DPF3: variants seen among roughly 807,000 people sequenced by gnomAD.
The protein encoded by DPF3 is double PHD fingers 3, also known as zinc finger protein DPF3.
In DPF3, 18 loss-of-function variants were observed where a neutral mutation model predicts 56.8. The observed-to-expected ratio is 0.32, with a 90% CI of 0.22 to 0.47. The LOEUF is 0.47. DPF3 is among the 20% of genes least tolerant of loss of function. DPF3 has a pLI of 1.00. For synonymous variants in DPF3, 188 were observed against 180.2 expected, an observed-to-expected ratio of 1.04 and a Z score of -0.35; for missense variants, 403 against 488.8, an observed-to-expected ratio of 0.82 and a Z score of 1.65.
intron 1 of DPF3, among the ~76,000 whole-genome samples, chr14:72,863,100 A>ATATGTG (rs1413440131): frequency 7.2e-5 from 8 of 110,612 alleles, no homozygotes; most frequent in Admixed American, 3.9e-4. Flanking sequence ...ATATATATAT[A>ATATGTG]TGTGTGTGTA....
intron 7 of DPF3, among the ~76,000 whole-genome samples, chr14:72,682,814 G>C (rs1887217509): frequency 6.6e-6 from 1 of 152,228 alleles, no homozygotes; most frequent in Non-Finnish European, 1.5e-5. Context: ...TTGGTGCTGA[G>C]AGTCAGAGAC....
At chr14:72,794,701 T>C (rs1173084935) in intron 1 of DPF3, among the ~76,000 whole-genome samples, 1 of 152,222 alleles carries the variant, frequency 6.6e-6, no homozygotes. Context: ...GGTTTTCTAT[T>C]GCTGCTGAGA....
chr14:72,734,787 A>G (rs1889820630), intron 3 of DPF3, among the ~76,000 whole-genome samples: 1 of 152,160 alleles, frequency 6.6e-6, no homozygotes, highest in African/African-American at 2.4e-5. Flanking sequence ...CCAAGTTGCC[A>G]CTGAAATCAC....
At position 72,731,904 on chromosome 14, in the gene DPF3, A is replaced by C; in HGVS notation, c.332T>G (p.Phe111Cys). 6.3e-7 allele frequency: 1 copy of C among 1,599,728 alleles called. No individual in the cohort carries two copies. Among genetic ancestry groups the C allele is most frequent in the Non-Finnish European group, 8.5e-7 (1 of 1,173,132 alleles). ...TTCCAGCGTGGTGCTCTCTGAGGTG[A>C]ACCCATCCTTCTTCAGGGGAAGCTC... ...EVELPLKKDG[F>C]TSESTTLEAL... Residue 111 changes from phenylalanine to cysteine, a missense_variant, in exon 4 of 11, where the codon TTC becomes TGC. Physicochemically the swap from Phe to Cys is radical, Grantham distance 205. Around this residue, in one of 2 missense-constraint regions of DPF3, gnomAD observed 340 missense variants for 374.3 expected, o/e 0.91. Coordinates refer to ENST00000556509, the MANE Select transcript of DPF3 (RefSeq NM_001280542.3).
intron 1 of DPF3, chr14:72,892,296 C>T (rs1191517663): frequency 1.3e-6 from 2 of 1,535,482 alleles, no homozygotes; most frequent in African/African-American, 2.7e-5. Flanking sequence ...AAGCAACCGG[C>T]AGCGAGGATG....
At chr14:72,686,038 A>G (rs573177270) in intron 7 of DPF3, among the ~76,000 whole-genome samples, 1 of 152,340 alleles carries the variant, frequency 6.6e-6, no homozygotes, top group African/African-American at 2.4e-5. Flanking sequence ...CTGGAGGCCC[A>G]GTTACACTTC....
At chr14:72,738,262 T>C (rs1889980520) in intron 3 of DPF3, among the ~76,000 whole-genome samples, 1 of 151,988 alleles carries the variant, frequency 6.6e-6, no homozygotes, top group African/African-American at 2.4e-5. Flanking sequence ...TTGTGACTCA[T>C]AAAGCTCGAA....
chr14:72,653,991 A>T (rs1265892995), intron 8 of DPF3, among the ~76,000 whole-genome samples: 1 of 152,226 alleles, frequency 6.6e-6, no homozygotes, highest in Non-Finnish European at 1.5e-5. Flanking sequence ...CGACAGGATC[A>T]GAGGCAACCT....
chr14:72,730,748 T>C (rs574371440), intron 4 of DPF3, among the ~76,000 whole-genome samples: 1 of 152,080 alleles, frequency 6.6e-6, no homozygotes, highest in South Asian at 2.1e-4. Context: ...AAATACAATT[T>C]AATTTTAATA....
At chr14:72,661,013 G>A in intron 8 of DPF3, 3 of 973,730 alleles carry the variant, frequency 3.1e-6, no homozygotes, top group South Asian at 4.8e-5. Flanking sequence ...GGATGAGCTT[G>A]GTTGGTCAAG....
intron 4 of DPF3, among the ~76,000 whole-genome samples, chr14:72,728,764 C>T (rs762156273): frequency 2.0e-5 from 3 of 151,848 alleles, no homozygotes; most frequent in Non-Finnish European, 4.4e-5. Flanking sequence ...ATCCTGCCCT[C>T]GAGGAGTTTA....
chr14:72,873,294 T>G (rs1267186976), intron 1 of DPF3, among the ~76,000 whole-genome samples: 2 of 152,232 alleles, frequency 1.3e-5, no homozygotes, highest in Non-Finnish European at 2.9e-5. Context: ...AAAGAAGATA[T>G]TTATGCAGCC....
At chr14:72,689,516 C>A (rs1329445074) in intron 7 of DPF3, among the ~76,000 whole-genome samples, 3 of 152,144 alleles carry the variant, frequency 2.0e-5, no homozygotes, top group Non-Finnish European at 4.4e-5. Flanking sequence ...GAAGCTGAGA[C>A]CTTAGGATGC....
intron 1 of DPF3, among the ~76,000 whole-genome samples, chr14:72,826,296 C>T (rs1402411931): frequency 1.3e-5 from 2 of 152,114 alleles, no homozygotes; most frequent in African/African-American, 4.8e-5. Context: ...TTTTAATGGC[C>T]CGTAAACAAT....
chr14:72,706,465 G>A (rs557211106), intron 6 of DPF3, among the ~76,000 whole-genome samples: 10 of 152,310 alleles, frequency 6.6e-5, no homozygotes, highest in African/African-American at 2.2e-4. Flanking sequence ...GGAAACCTTT[G>A]TCAAGCACAT....
chr14:72,686,971 A>T (rs1163360120), intron 7 of DPF3, among the ~76,000 whole-genome samples: 1 of 152,258 alleles, frequency 6.6e-6, no homozygotes, highest in African/African-American at 2.4e-5. Flanking sequence ...AGATGTCAGA[A>T]GACTAACATC....
intron 9 of DPF3, among the ~76,000 whole-genome samples, chr14:72,622,097 G>GACA (rs1884486563): frequency 6.6e-6 from 1 of 152,190 alleles, no homozygotes; most frequent in South Asian, 2.1e-4. Context: ...TTGTCTTCAT[G>GACA]GAGAAGTGTC....
At chr14:72,890,428 T>C (rs1280787325) in intron 1 of DPF3, among the ~76,000 whole-genome samples, 1 of 151,678 alleles carries the variant, frequency 6.6e-6, no homozygotes, top group Non-Finnish European at 1.5e-5. Flanking sequence ...GAGGCAGAGG[T>C]TGCAGTGAGC....
At chr14:72,735,878 C>A (rs188433632) in intron 3 of DPF3, among the ~76,000 whole-genome samples, 68 of 152,184 alleles carry the variant, frequency 4.5e-4, no homozygotes, top group Middle Eastern at 3.4e-3. Flanking sequence ...AATCCACACA[C>A]AAAAAAACTA....
Sources: allele counts gnomAD v4.1 joint callset (sites outside exome capture counted in the v4.1 genomes callset), GRCh38; gene constraint gnomAD v4.1.1; regional missense constraint gnomAD v4.1.1; transcripts MANE v1.5; gene names NCBI Gene and HGNC (gene_info 2026-07-23, HGNC 2026-07-21).